EED: variants seen among roughly 807,000 people sequenced by gnomAD.
The protein encoded by EED is embryonic ectoderm development, also known as polycomb protein EED.
In EED, 9 loss-of-function variants were observed where a neutral mutation model predicts 61.0. The observed-to-expected ratio is 0.15, with a 90% CI of 0.09 to 0.26. The LOEUF is 0.26. Ranked by LOEUF, EED falls within the 10% of genes least tolerant of loss-of-function variation. The pLI is 1.00. For synonymous variants in EED, 187 were observed against 174.4 expected, an observed-to-expected ratio of 1.07 and a Z score of -0.57; for missense variants, 315 against 542.3, an observed-to-expected ratio of 0.58 and a Z score of 4.16.
At chr11:86,283,527 C>G (rs1049905544), downstream of EED, among the ~76,000 whole-genome samples, 1 of 152,114 alleles carries the variant, frequency 6.6e-6, no homozygotes, top group Non-Finnish European at 1.5e-5. Flanking sequence ...AACCCCAGCA[C>G]CTAGAGCAGT....
chr11:86,267,742 G>A (rs1261547451), intron 8 of EED, among the ~76,000 whole-genome samples: 1 of 151,110 alleles, frequency 6.6e-6, no homozygotes, highest in Non-Finnish European at 1.5e-5. Flanking sequence ...CTGGATTACA[G>A]GCGGCCGCCA....
intron 9 of EED, among the ~76,000 whole-genome samples, chr11:86,271,214 C>T (rs1167764128): frequency 6.6e-6 from 1 of 152,148 alleles, no homozygotes; most frequent in African/African-American, 2.4e-5. Flanking sequence ...TTGTCATCAG[C>T]ATTTTATAGT....
At chr11:86,283,183 A>G (rs1327060421), downstream of EED, among the ~76,000 whole-genome samples, 1 of 152,184 alleles carries the variant, frequency 6.6e-6, no homozygotes, top group Non-Finnish European at 1.5e-5. Context: ...AAAGTTGTTG[A>G]AGATTTAAGT....
intron 9 of EED, among the ~76,000 whole-genome samples, chr11:86,272,279 C>T (rs7126702): frequency 1.3e-5 from 2 of 150,462 alleles, no homozygotes; most frequent in African/African-American, 2.5e-5. Context: ...AGGATGGTCT[C>T]GATCTCCTGA....
chr11:86,256,020 G>T (rs1349126970), intron 4 of EED, among the ~76,000 whole-genome samples: 4 of 152,134 alleles, frequency 2.6e-5, no homozygotes, highest in Non-Finnish European at 4.4e-5. Flanking sequence ...AGAGGTATGG[G>T]GATAGAGCAG....
chr11:86,281,002 C>T (rs925005251), downstream of EED, among the ~76,000 whole-genome samples: 1 of 152,180 alleles, frequency 6.6e-6, no homozygotes, highest in African/African-American at 2.4e-5. Flanking sequence ...ATCCTTGCAT[C>T]CCAGGGATAA....
intron 9 of EED, among the ~76,000 whole-genome samples, chr11:86,275,278 G>A (rs924791702): frequency 6.6e-6 from 1 of 152,158 alleles, no homozygotes; most frequent in South Asian, 2.1e-4. Context: ...TGTTCCACCA[G>A]CAGAAGTAAA....
intron 1 of EED, among the ~76,000 whole-genome samples, chr11:86,248,394 T>C (rs1443549735): frequency 2.0e-5 from 3 of 152,220 alleles, no homozygotes; most frequent in Non-Finnish European, 2.9e-5. Context: ...CAGCTCAGTG[T>C]TTAGCCAGAA....
At chr11:86,279,105 A>G (rs561876710), downstream of EED, among the ~76,000 whole-genome samples, 1 of 152,352 alleles carries the variant, frequency 6.6e-6, no homozygotes, top group African/African-American at 2.4e-5. Flanking sequence ...TATAGTTCCT[A>G]TGGTTTTATA....
intron 9 of EED, 114 bp downstream of exon 9, chr11:86,268,675 A>C (rs1946044095): frequency 5.2e-6 from 3 of 576,982 alleles, no homozygotes; most frequent in Non-Finnish European, 8.7e-6. Context: ...TATGTAGTTT[A>C]TTAAATTGAA....
chr11:86,271,083 G>C (rs1405922513), intron 9 of EED, among the ~76,000 whole-genome samples: 1 of 152,070 alleles, frequency 6.6e-6, no homozygotes, highest in Non-Finnish European at 1.5e-5. Context: ...AGGAGAAGGA[G>C]TTTTTAACTG....
At chr11:86,267,517 C>G (rs1374419049) in intron 8 of EED, among the ~76,000 whole-genome samples, 3 of 152,136 alleles carry the variant, frequency 2.0e-5, no homozygotes, top group Admixed American at 1.3e-4. Context: ...TTTCTTCTCA[C>G]AAATATCTCT....
At chr11:86,254,573 C>T (rs565837973) in intron 3 of EED, among the ~76,000 whole-genome samples, 2 of 151,990 alleles carry the variant, frequency 1.3e-5, no homozygotes, top group East Asian at 3.9e-4. Flanking sequence ...CCCGCCTCGG[C>T]CTCCCAAAGT....
In EED at chr11:86,244,960, G is replaced by A. The variant is rs1945345525; in HGVS notation, c.-270G>A. 2 of 384,110 alleles carry A rather than the reference G, an allele frequency of 5.2e-6. No individual in the cohort carries two copies. The highest frequency in any genetic ancestry group is 9.4e-6 in the Non-Finnish European group (2 of 213,630). 23.8% of individuals were successfully genotyped at this position (384,110 alleles called of 1,614,324 possible). On this transcript the variant is annotated 5_prime_UTR_variant, in exon 1 of 12. Coordinates refer to ENST00000263360, the MANE Select transcript of EED (RefSeq NM_003797.5). ...ACATCGTGTAGACTGCCGGGAGGGC[G>A]GCGGGAAAAGGGCAAGACGGGAGTT...
In EED at chr11:86,263,008, A is replaced by G. The variant is rs535849817; in HGVS notation, c.635-1164A>G. On this transcript the variant is annotated intron_variant, in intron 6 of 11. Transcript: ENST00000263360. ...TTTTCTGTAGGGATTGGGTCTCACT[A>G]TGTTACCCCGGCTGGTCTTGAATTC... Among the ~76,000 whole-genome samples the G allele has an allele frequency of 5.9e-5, 9 of 151,940 alleles. No homozygotes were observed. In the South Asian group the frequency reaches 1.0e-3, roughly 17 times the overall value.
At chr11:86,255,135 G>C (rs7950735) in intron 3 of EED, 87 bp from the exon 4 acceptor site, 16 of 1,022,358 alleles carry the variant, frequency 1.6e-5, no homozygotes, top group South Asian at 3.1e-5. Context: ...ATTTAAGATA[G>C]GATTGCGATT....
rs1945352219 is a variant in EED at position 86,245,072 on chromosome 11, C to T, written c.-158C>T. 5.3e-6 allele frequency: 3 copies of T among 569,258 alleles called. No homozygotes were observed. The highest frequency in any genetic ancestry group is 4.0e-5 in the Admixed American group (1 of 24,786). The allele number at this position is 569,258 out of a possible 1,614,324, so 35.3% of individuals were successfully genotyped here. On this transcript the variant is annotated 5_prime_UTR_variant, in exon 1 of 12. Coordinates refer to ENST00000263360, the MANE Select transcript of EED (RefSeq NM_003797.5). ...AGTGTGGCGGGGTCGCACGCACGCC[C>T]GCCTCGGCGGCTGGGCGCGATTTGC...
intron 6 of EED, among the ~76,000 whole-genome samples, chr11:86,261,851 G>A (rs1464886449): frequency 6.6e-6 from 1 of 152,202 alleles, no homozygotes; most frequent in Non-Finnish European, 1.5e-5. Context: ...GACAGTGAAT[G>A]TAGAGGTCCC....
intron 6 of EED, among the ~76,000 whole-genome samples, chr11:86,261,233 C>T (rs1945818986): frequency 1.3e-5 from 2 of 152,166 alleles, no homozygotes; most frequent in South Asian, 4.1e-4. Flanking sequence ...TAGACAGTCC[C>T]TTCCAAAAAG....
Sources: gnomAD v4.1 joint callset for allele counts (sites outside exome capture counted in the v4.1 genomes callset) on GRCh38, gnomAD v4.1.1 for gene constraint, MANE v1.5 for transcripts, NCBI Gene and HGNC (gene_info 2026-07-23, HGNC 2026-07-21) for gene names.